The following CMBL variants were observed in gnomAD, a reference collection of about 807,000 sequenced individuals.
CMBL encodes the protein carboxymethylenebutenolidase homolog, also known as carboxymethylenebutenolidase homolog (Pseudomonas).
A neutral mutation model predicts 28.7 loss-of-function variants in CMBL; 17 were observed. That is an observed-to-expected ratio of 0.59 (90% confidence interval 0.41 to 0.89). The LOEUF is 0.89. Ranked by LOEUF, CMBL falls within the 40% of genes least tolerant of loss-of-function variation. The pLI, the probability that CMBL is intolerant of heterozygous loss-of-function variation, is 0.00. For synonymous variants in CMBL, 106 were observed against 101.6 expected, an observed-to-expected ratio of 1.04 and a Z score of -0.26; for missense variants, 310 against 298.5, an observed-to-expected ratio of 1.04 and a Z score of -0.28.
chr5:10,302,513 G>A (rs1007204713), intron 1 of CMBL, among the ~76,000 whole-genome samples: 3 of 151,576 alleles, frequency 2.0e-5, no homozygotes, highest in African/African-American at 7.3e-5. Flanking sequence ...GCCAGGCATG[G>A]TGGTGCATAC....
chr5:10,286,438 T>C lies in CMBL; in HGVS notation c.382A>G (p.Ile128Val). 1.9e-6 allele frequency: 3 copies of C among 1,613,368 alleles called. No individual in the cohort carries two copies. Among genetic ancestry groups the C allele is most frequent in the Non-Finnish European group, 2.5e-6 (3 of 1,179,278 alleles). ...KQQCHAQKIG[I>V]VGFCWGGTAV... ...GTTCCACCCCAGCAGAATCCCACGA[T>C]GCCAATTTTCTGGGCATGACACTGT... Residue 128 changes from isoleucine (I) to valine (V), a missense_variant, in exon 4 of 6, where the codon ATC becomes GTC. Transcript: ENST00000296658.
Position 10,289,924 on chromosome 5 carries a change from C to T in CMBL, c.215+624G>A, listed in dbSNP as rs150578702. The stretch of plus-strand genomic sequence containing the variant: ...GGCTCACTGGGTTGATGCTTTCCGA[C>T]GCTGGAGAGGAAGGAAGGTTCTGGC... On this transcript the variant is annotated intron_variant, in intron 2 of 5. Transcript: ENST00000296658. The surrounding 1 kb of genome is among the most constrained non-coding windows in gnomAD (Gnocchi z 4.3). Among the ~76,000 whole-genome samples, 74 of 152,292 alleles carry T rather than the reference C, an allele frequency of 4.9e-4. No homozygotes were observed. Among genetic ancestry groups the T allele is most frequent in the African/African-American group, 1.4e-3 (60 of 41,562 alleles).
intron 1 of CMBL, among the ~76,000 whole-genome samples, chr5:10,296,491 G>A (rs1746812342): frequency 6.6e-6 from 1 of 152,192 alleles, no homozygotes; most frequent in Non-Finnish European, 1.5e-5. Context: ...ATGTTGGCCA[G>A]GCTGGTCTCA....
At chr5:10,307,133 T>A (rs1747013071) in intron 1 of CMBL, 1 of 152,216 alleles carries the variant, frequency 6.6e-6, no homozygotes, top group Non-Finnish European at 1.5e-5. Flanking sequence ...AGCACCTCTC[T>A]TCTTAATACC....
intron 1 of CMBL, among the ~76,000 whole-genome samples, chr5:10,297,254 C>CCTAA (rs1299890360): frequency 6.6e-6 from 1 of 150,762 alleles, no homozygotes; most frequent in Non-Finnish European, 1.5e-5. Flanking sequence ...ACAGAAAACT[C>CCTAA]TTAGAAGACT....
rs2126549706 is a variant in CMBL, at chr5:10,290,668, G to A, written c.95C>T (p.Ala32Val). 2 of 1,614,178 alleles carry A rather than the reference G, an allele frequency of 1.2e-6. No homozygotes were observed. The highest frequency in any genetic ancestry group is 1.7e-6 in the Non-Finnish European group (2 of 1,180,028). The change falls in exon 2 of 6, where the codon GCT (alanine) becomes GTT (valine). Residue 32 changes from alanine to valine, a missense_variant. Coordinates refer to ENST00000296658, the MANE Select transcript of CMBL (RefSeq NM_138809.4). ...ATCAACGGGGGATTTGGTGACATAA[G>A]CCTTGATGTGCTCGACTTGAACTTC... is the stretch of plus-strand genomic sequence containing the variant. ...GREVQVEHIKAYVTKSPVDAG... is the reference protein window; with the variant it reads ...GREVQVEHIKVYVTKSPVDAG...
intron 1 of CMBL, among the ~76,000 whole-genome samples, chr5:10,305,417 T>A (rs770861225): frequency 2.6e-5 from 4 of 151,738 alleles, no homozygotes; most frequent in Non-Finnish European, 5.9e-5. Flanking sequence ...TGTGTAATTT[T>A]CCAGAGAGAT....
chr5:10,291,838 T>G (rs1236604824), intron 1 of CMBL, among the ~76,000 whole-genome samples: 2 of 151,898 alleles, frequency 1.3e-5, no homozygotes. Flanking sequence ...ACTTCCACAA[T>G]CCAGGCCAAA....
Position 10,282,305 on chromosome 5 carries a change from G to A in CMBL, c.467-17C>T, listed in dbSNP as rs754943653. 1 of 1,445,022 alleles carries A rather than the reference G, an allele frequency of 6.9e-7. No individual in the cohort carries two copies. The highest frequency in any genetic ancestry group is 1.1e-5 in the South Asian group (1 of 88,348). The allele number at this position is 1,445,022 out of a possible 1,614,324, so 89.5% of individuals were successfully genotyped here. ...TGACAATGCCTGAAAAACAAGCACAGAGGCATGATGTCTGATCCCCACACT... is the reference window on the plus strand; with the variant it reads ...TGACAATGCCTGAAAAACAAGCACAAAGGCATGATGTCTGATCCCCACACT... On this transcript the variant is annotated splice_polypyrimidine_tract_variant and intron_variant, in intron 4 of 5. Coordinates refer to ENST00000296658, the MANE Select transcript of CMBL (RefSeq NM_138809.4).
At chr5:10,287,714 A>ATTT (rs1306619143) in intron 3 of CMBL, among the ~76,000 whole-genome samples, 3 of 150,944 alleles carry the variant, frequency 2.0e-5, no homozygotes, top group African/African-American at 7.4e-5. Flanking sequence ...TAATTAATTA[A>ATTT]TTTCTTTTTT....
At chr5:10,284,450 G>C (rs181612846) in intron 4 of CMBL, among the ~76,000 whole-genome samples, 2 of 152,284 alleles carry the variant, frequency 1.3e-5, no homozygotes, top group African/African-American at 2.4e-5. Flanking sequence ...CAGGCCTAAC[G>C]ATGGTTCCAC....
In CMBL at chr5:10,307,394, C is replaced by G. The variant is rs550159832; in HGVS notation, c.-20+231G>C. ...ATGGCGAAACACCTACAGGAAAATACCAAAATGTAAACAGCGGCTGCTTCG... is the reference window on the plus strand; with the variant it reads ...ATGGCGAAACACCTACAGGAAAATAGCAAAATGTAAACAGCGGCTGCTTCG... On this transcript the variant is annotated intron_variant, in intron 1 of 5. Transcript: ENST00000296658. The G allele has an allele frequency of 2.6e-5, 4 of 152,284 alleles. No individual in the cohort carries two copies. The South Asian group carries it at 8.3e-4, about 32-fold the overall frequency. The allele number at this position is 152,284 out of a possible 1,614,324, so 9.4% of individuals were successfully genotyped here. A position where few individuals can be genotyped will look rare whatever the true frequency, so the allele number is the denominator to read the frequency against.
chr5:10,285,147 G>A (rs1215336876), intron 4 of CMBL, among the ~76,000 whole-genome samples: 1 of 152,104 alleles, frequency 6.6e-6, no homozygotes, highest in Non-Finnish European at 1.5e-5. Flanking sequence ...GGGACCACAG[G>A]CATGTGCCAG....
chr5:10,307,490 A>G (rs1249095944), intron 1 of CMBL, 135 bp downstream of exon 1: 1 of 152,242 alleles, frequency 6.6e-6, no homozygotes, highest in Admixed American at 6.5e-5. Context: ...CAGCTTCTGA[A>G]AACGGACTAT....
intron 5 of CMBL, among the ~76,000 whole-genome samples, 183 bp downstream of exon 5, chr5:10,282,014 C>T (rs1458901165): frequency 1.3e-5 from 2 of 150,776 alleles, no homozygotes; most frequent in East Asian, 3.9e-4. Flanking sequence ...ACAAAAATTA[C>T]CCAGGTGCGG....
rs756299218 is a variant in CMBL at position 10,280,587 on chromosome 5, A to G, written c.604T>C (p.Tyr202His). Residue 202 changes from tyrosine to histidine, a missense_variant, in exon 6 of 6, where the codon TAT becomes CAT. Physicochemically the swap from Tyr to His is moderately conservative, Grantham distance 83. Transcript: ENST00000296658. Reference sequence around the variant, plus strand: ...TGCCCAGAAAATGTTTTAATTTGATATTCAACTTTGCAGTGTTCTTTCAAC... The same window carrying G: ...TGCCCAGAAAATGTTTTAATTTGATGTTCAACTTTGCAGTGTTCTTTCAAC... The part of the protein sequence containing the change: ...QKLKEHCKVE[Y>H]QIKTFSGQTH... 1.2e-6 allele frequency: 2 copies of G among 1,613,418 alleles called. No homozygotes were observed. The highest frequency in any genetic ancestry group is 1.7e-5 in the Admixed American group (1 of 60,010).
chr5:10,282,370 A>G (rs932801799), intron 4 of CMBL, 82 bp from the exon 5 acceptor site: 17 of 742,228 alleles, frequency 2.3e-5, no homozygotes, highest in Non-Finnish European at 4.0e-5. Flanking sequence ...CATGATCCCC[A>G]CACTCATGCC....
chr5:10,290,595 C>T lies in CMBL; in HGVS notation c.168G>A (p.Leu56=), dbSNP rs1746693136. Residue 56 remains leucine (L), a synonymous_variant, in exon 2 of 6, where the codon TTG becomes TTA. Transcript: ENST00000296658. ...IVIQDIFGWQ[L]PNTRYIADMI... Reference sequence around the variant, plus strand: ...TGTCAGCTATATATCTGGTATTGGGCAACTGCCAGCCAAATATATCTTGAA... The same window carrying T: ...TGTCAGCTATATATCTGGTATTGGGTAACTGCCAGCCAAATATATCTTGAA... The T allele has an allele frequency of 6.2e-7, 1 of 1,614,016 alleles. No individual in the cohort carries two copies. Among genetic ancestry groups the T allele is most frequent in the South Asian group, 1.1e-5 (1 of 91,082 alleles).
chr5:10,286,289 G>A (rs1746602517), intron 4 of CMBL, 65 bp downstream of exon 4: 2 of 1,508,422 alleles, frequency 1.3e-6, no homozygotes, highest in Admixed American at 1.8e-5. Flanking sequence ...GGGGAGGCTT[G>A]TGATTGTTGT....
Sources: gnomAD v4.1 joint callset for allele counts (sites outside exome capture counted in the v4.1 genomes callset) on GRCh38, gnomAD v4.1.1 for gene constraint, Gnocchi (gnomAD v3.1) non-coding constraint, MANE v1.5 for transcripts, NCBI Gene and HGNC (gene_info 2026-07-23, HGNC 2026-07-21) for gene names.